Variants in MVB12B observed in about 807,000 individuals in gnomAD.
MVB12B encodes ESCRT-I complex subunit MVB12B.
MVB12B carries 16 observed loss-of-function variants against 41.6 expected under a neutral mutation model. That is an observed-to-expected ratio of 0.38 (90% CI 0.26 to 0.58). MVB12B has a LOEUF of 0.58. MVB12B is among the 20% of genes least tolerant of loss of function. MVB12B has a pLI of 0.62. For synonymous variants in MVB12B, 133 were observed against 139.7 expected, an observed-to-expected ratio of 0.95 and a Z score of 0.34; for missense variants, 274 against 380.2, an observed-to-expected ratio of 0.72 and a Z score of 2.32.
At chr9:126,377,488 T>C (rs1209123510) in intron 2 of MVB12B, among the ~76,000 whole-genome samples, 1 of 152,112 alleles carries the variant, frequency 6.6e-6, no homozygotes, top group Admixed American at 6.5e-5. Flanking sequence ...GCTCAATGGA[T>C]TAAATCCTGG....
chr9:126,488,110 G>A (rs1224171380), intron 9 of MVB12B, among the ~76,000 whole-genome samples: 1 of 152,168 alleles, frequency 6.6e-6, no homozygotes, highest in African/African-American at 2.4e-5. Flanking sequence ...GCTCGTGGGA[G>A]TTGGGGGCTC....
intron 7 of MVB12B, among the ~76,000 whole-genome samples, chr9:126,457,073 C>A (rs2109914): frequency 0.27 from 40,315 of 152,066 alleles, 5,453 homozygotes; most frequent in Middle Eastern, 0.33. Flanking sequence ...AACCCTTTCT[C>A]ATTTCCACAT....
Position 126,326,912 on chromosome 9 carries a change from T to C in MVB12B, c.-18T>C. On this transcript the variant is annotated 5_prime_UTR_variant, in exon 1 of 10. Coordinates refer to ENST00000361171, the MANE Select transcript of MVB12B (RefSeq NM_033446.3). ...CCGCCTGGGCCCCGGGCCCGGCCCC[T>C]CCCGCGCCGCCCGGGCGATGAGAAG... 3 of 240,848 alleles carry C rather than the reference T, an allele frequency of 1.2e-5. No homozygotes were observed. Among genetic ancestry groups the C allele is most frequent in the South Asian group, 6.7e-5 (2 of 29,644 alleles). 14.9% of individuals were successfully genotyped at this position (240,848 alleles called of 1,614,324 possible). A position where few individuals can be genotyped will look rare whatever the true frequency, so the allele number is the denominator to read the frequency against.
In MVB12B at chr9:126,343,434, T is replaced by A. The variant is rs1829503540; in HGVS notation, c.204+2804T>A. On this transcript the variant is annotated intron_variant, in intron 2 of 9. Coordinates refer to ENST00000361171, the MANE Select transcript of MVB12B (RefSeq NM_033446.3). ...GGGTGGATGGTCAGTTTTCGAAGAA[T>A]TGTAATGCTATAAGAAGCACTTCCG... 2.6e-5 allele frequency among the ~76,000 whole-genome samples: 4 copies of A among 152,218 alleles called. No individual in the cohort carries two copies. The South Asian group carries it at 8.3e-4, about 31-fold the overall frequency.
At chr9:126,474,813 G>A (rs1564344355) in intron 7 of MVB12B, among the ~76,000 whole-genome samples, 2 of 152,184 alleles carry the variant, frequency 1.3e-5, no homozygotes, top group Admixed American at 6.5e-5. Flanking sequence ...CCTGATGGCT[G>A]CTTCTCCTTT....
chr9:126,444,668 A>G (rs1299287227), intron 7 of MVB12B, among the ~76,000 whole-genome samples: 2 of 151,822 alleles, frequency 1.3e-5, no homozygotes, highest in Non-Finnish European at 2.9e-5. Context: ...CTTTGCCATC[A>G]CGTTTTAGAA....
chr9:126,475,345 G>T, intron 7 of MVB12B, among the ~76,000 whole-genome samples: 1 of 152,080 alleles, frequency 6.6e-6, no homozygotes, highest in Middle Eastern at 3.2e-3. Flanking sequence ...GGTTAGCATT[G>T]GTCTCTTAAT....
intron 2 of MVB12B, among the ~76,000 whole-genome samples, chr9:126,378,918 G>A (rs1285118025): frequency 1.3e-5 from 2 of 152,156 alleles, no homozygotes; most frequent in African/African-American, 2.4e-5. Context: ...TGGGTGGAGA[G>A]AACCATCATT....
intron 7 of MVB12B, among the ~76,000 whole-genome samples, chr9:126,467,796 C>T (rs184331083): frequency 1.3e-5 from 2 of 152,308 alleles, no homozygotes; most frequent in Non-Finnish European, 1.5e-5. Flanking sequence ...TCTGGCACAA[C>T]AAGATGTTCC....
intron 3 of MVB12B, among the ~76,000 whole-genome samples, chr9:126,382,373 T>C (rs557769744): frequency 5.0e-4 from 76 of 152,342 alleles, no homozygotes; most frequent in Non-Finnish European, 1.0e-3. Flanking sequence ...AAGTCATTGC[T>C]TTATTTTTTC....
intron 7 of MVB12B, among the ~76,000 whole-genome samples, chr9:126,443,680 T>C (rs936115331): frequency 1.3e-5 from 2 of 152,252 alleles, no homozygotes; most frequent in African/African-American, 4.8e-5. Flanking sequence ...AGTGTATGTC[T>C]ACCTAATTGT....
chr9:126,493,184 CTTA>C lies in MVB12B; in HGVS notation c.873+9158_873+9160del, dbSNP rs764920755. On this transcript the variant is annotated intron_variant, in intron 9 of 9. Coordinates refer to ENST00000361171, the MANE Select transcript of MVB12B (RefSeq NM_033446.3). ...ATGAAAACATTCACCCCTGTTTTCC[CTTA>C]TTATTTTATATATTAAAATATTAAA... Among the ~76,000 whole-genome samples, 17 of 152,086 alleles carry C rather than the reference CTTA, an allele frequency of 1.1e-4. No individual in the cohort carries two copies. In the East Asian group the frequency reaches 1.5e-3, roughly 14 times the overall value.
At chr9:126,384,928 C>T (rs1332035451) in intron 3 of MVB12B, among the ~76,000 whole-genome samples, 2 of 151,280 alleles carry the variant, frequency 1.3e-5, no homozygotes, top group South Asian at 2.1e-4. Context: ...CCTCAACCTC[C>T]CAGGCTCCAA....
At chr9:126,424,668 G>A (rs1564324099) in intron 7 of MVB12B, among the ~76,000 whole-genome samples, 3 of 152,344 alleles carry the variant, frequency 2.0e-5, no homozygotes, top group East Asian at 1.9e-4. Context: ...TTTGCCAGCT[G>A]TTCTACACAG....
intron 2 of MVB12B, among the ~76,000 whole-genome samples, chr9:126,378,656 C>T (rs1830553327): frequency 6.6e-6 from 1 of 151,734 alleles, no homozygotes; most frequent in Non-Finnish European, 1.5e-5. Flanking sequence ...CTCTCTCTTT[C>T]TTTCTTCCCA....
intron 3 of MVB12B, among the ~76,000 whole-genome samples, chr9:126,384,879 C>T (rs1830734665): frequency 6.8e-6 from 1 of 146,038 alleles, no homozygotes; most frequent in South Asian, 2.2e-4. Context: ...CTCTATTGCC[C>T]AGGCTGAAGT....
chr9:126,498,851 C>G (rs1833892430), intron 9 of MVB12B, among the ~76,000 whole-genome samples: 1 of 152,244 alleles, frequency 6.6e-6, no homozygotes, highest in South Asian at 2.1e-4. Context: ...ACTTGCCTTC[C>G]CCTCTGGTGA....
intron 2 of MVB12B, among the ~76,000 whole-genome samples, chr9:126,366,802 G>A (rs990631265): frequency 1.2e-4 from 18 of 151,980 alleles, no homozygotes; most frequent in South Asian, 2.1e-4. Flanking sequence ...CCTGCCAGGC[G>A]CCGAGCTTCT....
At position 126,333,944 on chromosome 9, in the gene MVB12B, T is replaced by C. The variant is rs1564276888; in HGVS notation, c.82-6564T>C. Among the ~76,000 whole-genome samples, 1 of 152,242 alleles carries C rather than the reference T, an allele frequency of 6.6e-6. No individual in the cohort carries two copies. The highest frequency in any genetic ancestry group is 6.5e-5 in the Admixed American group (1 of 15,290). On this transcript the variant is annotated intron_variant, in intron 1 of 9. Transcript: ENST00000361171. The surrounding 1 kb of genome is among the most constrained non-coding windows in gnomAD (Gnocchi z 4.7). Reference sequence around the variant, plus strand: ...TCTCTTGTACTTAAATTTTGGACTGTAGACCAGCTGTTTTAGTGTCAGCTG... The same window carrying C: ...TCTCTTGTACTTAAATTTTGGACTGCAGACCAGCTGTTTTAGTGTCAGCTG...
Sources: allele counts gnomAD v4.1 joint callset (sites outside exome capture counted in the v4.1 genomes callset), GRCh38; gene constraint gnomAD v4.1.1; non-coding constraint Gnocchi (gnomAD v3.1); transcripts MANE v1.5; gene names NCBI Gene and HGNC (gene_info 2026-07-23, HGNC 2026-07-21).